Variants in COQ8B observed in about 807,000 individuals in gnomAD.
COQ8B encodes the protein coenzyme Q8B.
COQ8B carries 44 observed loss-of-function variants against 62.0 expected under a neutral mutation model. That is an observed-to-expected ratio of 0.71 (90% confidence interval 0.56 to 0.91). The LOEUF is 0.91. COQ8B is among the 40% of genes least tolerant of loss of function. COQ8B has a pLI of 0.00. For missense variants in COQ8B, 649 were observed against 731.6 expected (o/e 0.89, Z 1.30); for synonymous variants, 252 against 289.9 (o/e 0.87, Z 1.33).
In COQ8B at chr19:40,691,734, C is replaced by G. The variant is rs1222440319; in HGVS notation, c.*301G>C. On this transcript the variant is annotated 3_prime_UTR_variant, in exon 15 of 15. Coordinates refer to ENST00000324464, the MANE Select transcript of COQ8B (RefSeq NM_024876.4). ...GAGGTGAGGGCTCCCCCTGATGAGT[C>G]TGATCTGCATAACGACATGCAGCGG... 7.3e-6 allele frequency: 2 copies of G among 273,350 alleles called. No homozygotes were observed. The highest frequency in any genetic ancestry group is 1.4e-5 in the Non-Finnish European group (2 of 145,480). 16.9% of individuals were successfully genotyped at this position (273,350 alleles called of 1,614,324 possible).
At chr19:40,693,742 C>T (rs537349274) in intron 13 of COQ8B, among the ~76,000 whole-genome samples, 28 of 152,298 alleles carry the variant, frequency 1.8e-4, no homozygotes, top group African/African-American at 6.5e-4. Flanking sequence ...AAGGTGATGC[C>T]TGTGGCCTGC....
intron 13 of COQ8B, 63 bp from the exon 14 acceptor site, chr19:40,693,100 G>A: frequency 6.9e-7 from 1 of 1,443,658 alleles, no homozygotes; most frequent in African/African-American, 1.4e-5. Context: ...CTGGAGAAGA[G>A]GAGCTGGAAG....
chr19:40,694,306 C>G (rs1219214214), intron 13 of COQ8B, among the ~76,000 whole-genome samples: 1 of 152,210 alleles, frequency 6.6e-6, no homozygotes, highest in Non-Finnish European at 1.5e-5. Context: ...GCTCCCACCC[C>G]CAGGCTTAGA....
At position 40,704,837 on chromosome 19, in the gene COQ8B, T is replaced by C. The variant is rs2082087781; in HGVS notation, c.576+259A>G. The C allele has an allele frequency of 1.1e-5, 5 of 439,242 alleles. No individual in the cohort carries two copies. In the Admixed American group the frequency reaches 1.9e-4, roughly 17 times the overall value. The allele number at this position is 439,242 out of a possible 1,614,324, so 27.2% of individuals were successfully genotyped here. ...AGTGCTCAGTGTAAACTGATTTATG[T>C]GACCCTATGATGTGGGTGTGGCTGT... On this transcript the variant is annotated intron_variant, in intron 7 of 14. Transcript: ENST00000324464.
Position 40,714,536 on chromosome 19 carries a change from G to T in COQ8B, c.97C>A (p.Arg33Ser), listed in dbSNP as rs574818158. 1.9e-6 allele frequency: 3 copies of T among 1,613,620 alleles called. No homozygotes were observed. The highest frequency in any genetic ancestry group is 1.6e-4 in the Middle Eastern group (1 of 6,062). Residue 33 changes from arginine (R) to serine (S), a missense_variant, in exon 2 of 15, where the codon CGC (arginine) becomes AGC (serine). Physicochemically the swap from Arg to Ser is moderately radical, Grantham distance 110 (BLOSUM62 -1). Transcript: ENST00000324464. ...PCGALGPGPHRWGPCGGSWAQ... is the reference protein window; with the variant it reads ...PCGALGPGPHSWGPCGGSWAQ... ...CCTGCTCCCTAGCCTCTTACCCAGC[G>T]GTGGGGCCCAGGCCCCAGGGCCCCA...
intron 12 of COQ8B, 44 bp from the exon 13 acceptor site, chr19:40,696,098 C>T (rs757328390): frequency 5.6e-6 from 9 of 1,593,626 alleles, no homozygotes; most frequent in East Asian, 2.2e-5. Context: ...ATCCCATTCA[C>T]ACCCTCACTG....
At chr19:40,704,942 A>G in intron 7 of COQ8B, 154 bp downstream of exon 7, 1 of 693,568 alleles carries the variant, frequency 1.4e-6, no homozygotes, top group Non-Finnish European at 2.3e-6. Flanking sequence ...CACCACAGCA[A>G]TGCTAGGAGG....
chr19:40,714,548 GC>G lies in COQ8B; in HGVS notation c.84del (p.Pro29LeufsTer47). The G allele has an allele frequency of 6.2e-7, 1 of 1,613,442 alleles. No individual in the cohort carries two copies. Among genetic ancestry groups the G allele is most frequent in the Admixed American group, 1.7e-5 (1 of 59,822 alleles). ...CCTCTTACCCAGCGGTGGGGCCCAGGCCCCAGGGCCCCACAAGGCCAACCAA... is the reference window on the plus strand; with the variant it reads ...CCTCTTACCCAGCGGTGGGGCCCAGGCCCAGGGCCCCACAAGGCCAACCAA... Reference protein sequence around the residue: ...QTVGWPCGALGPGPHRWGPCG... With the variant: ...QTVGWPCGALXPGPHRWGPCG... On this transcript the variant is annotated frameshift_variant, in exon 2 of 15. Coordinates refer to ENST00000324464, the MANE Select transcript of COQ8B (RefSeq NM_024876.4). LOFTEE classifies it high-confidence loss of function.
At chr19:40,706,083 G>A (rs73931350) in intron 5 of COQ8B, among the ~76,000 whole-genome samples, 5,940 of 152,250 alleles carry the variant, frequency 0.039, 354 homozygotes, top group African/African-American at 0.13. Context: ...GTAATGCTGA[G>A]TGAAAGCAGC....
chr19:40,703,650 G>C, intron 8 of COQ8B, 28 bp from the exon 9 acceptor site: 1 of 1,613,644 alleles, frequency 6.2e-7, no homozygotes, highest in Non-Finnish European at 8.5e-7. Context: ...AGGGAGAGAA[G>C]GTGGGAGTCA....
rs1437437823 is a variant in COQ8B at position 40,692,225 on chromosome 19, G to T, written c.1445C>A (p.Pro482His). 8 of 1,607,540 alleles carry T rather than the reference G, an allele frequency of 5.0e-6. No homozygotes were observed. Among genetic ancestry groups the T allele is most frequent in the African/African-American group, 1.3e-5 (1 of 74,698 alleles). ...VLLRHRLCPP[P>H]EETYALHRKL... ...GCGGTGCAGGGCATAGGTCTCCTCGGGTGGGGGACACAGCCGGTGCCGCAG... is the reference window on the plus strand; with the variant it reads ...GCGGTGCAGGGCATAGGTCTCCTCGTGTGGGGGACACAGCCGGTGCCGCAG... The change falls in exon 15 of 15, where the codon CCC (proline) becomes CAC (histidine). Residue 482 changes from proline (P) to histidine (H), a missense_variant. Coordinates refer to ENST00000324464, the MANE Select transcript of COQ8B (RefSeq NM_024876.4).
rs759259550 is a variant in COQ8B, at chr19:40,702,598, A to T, written c.893+2T>A. 6.2e-7 allele frequency: 1 copy of T among 1,613,108 alleles called. No homozygotes were observed. The highest frequency in any genetic ancestry group is 2.2e-5 in the East Asian group (1 of 44,876). On this transcript the variant is annotated splice_donor_variant, in intron 10 of 14. Coordinates refer to ENST00000324464, the MANE Select transcript of COQ8B (RefSeq NM_024876.4). LOFTEE classifies it high-confidence loss of function. ...GAGGGAAGCTCAGGGCACTCAGCTC[A>T]CCTGAAATTCTGGGCACAAGCCGCC...
chr19:40,714,556 GC>G lies in COQ8B; in HGVS notation c.76del (p.Ala26ProfsTer50). 1.2e-6 allele frequency: 2 copies of G among 1,613,202 alleles called. No homozygotes were observed. Among genetic ancestry groups the G allele is most frequent in the Non-Finnish European group, 1.7e-6 (2 of 1,179,720 alleles). Reference sequence around the variant, plus strand: ...CCAGCGGTGGGGCCCAGGCCCCAGGGCCCCACAAGGCCAACCAACAGTCTGG... The same window carrying G: ...CCAGCGGTGGGGCCCAGGCCCCAGGGCCCACAAGGCCAACCAACAGTCTGG... ...LGQTVGWPCG[A>X]LGPGPHRWGP... is the part of the protein sequence containing the mutation. On this transcript the variant is annotated frameshift_variant, in exon 2 of 15. Coordinates refer to ENST00000324464, the MANE Select transcript of COQ8B (RefSeq NM_024876.4). LOFTEE classifies it high-confidence loss of function.
At chr19:40,695,893 A>T in intron 13 of COQ8B, 96 bp downstream of exon 13, 1 of 1,255,094 alleles carries the variant, frequency 8.0e-7, no homozygotes, top group South Asian at 1.2e-5. Flanking sequence ...TTATTTCTTA[A>T]TTCCAGAAAC....
intron 4 of COQ8B, 74 bp from the exon 5 acceptor site, chr19:40,710,210 G>T: frequency 7.3e-7 from 1 of 1,362,532 alleles, no homozygotes; most frequent in Non-Finnish European, 1.0e-6. Context: ...TCCTTTCTCA[G>T]TTTTTCTCCA....
intron 3 of COQ8B, 25 bp from the exon 4 acceptor site, chr19:40,714,158 G>C (rs2082165776): frequency 6.2e-7 from 1 of 1,613,944 alleles, no homozygotes. Context: ...CAAGGTCTGA[G>C]GGTGGGAAAG....
chr19:40,692,071 G>T lies in COQ8B; in HGVS notation c.1599C>A (p.Leu533=). Residue 533 remains leucine (L), a synonymous_variant, in exon 15 of 15, where the codon CTC becomes CTA. Transcript: ENST00000324464. ...RQPDAATAGS[L]PTKGDSWVDP... Reference sequence around the variant, plus strand: ...CCACCCAGGAGTCCCCTTTGGTGGGGAGGCTGCCGGCAGTGGCTGCGTCTG... The same window carrying T: ...CCACCCAGGAGTCCCCTTTGGTGGGTAGGCTGCCGGCAGTGGCTGCGTCTG... The T allele has an allele frequency of 6.2e-7, 1 of 1,608,114 alleles. No homozygotes were observed. The highest frequency in any genetic ancestry group is 8.5e-7 in the Non-Finnish European group (1 of 1,177,476).
intron 7 of COQ8B, 113 bp downstream of exon 7, chr19:40,704,983 T>C (rs1224496787): frequency 2.0e-6 from 2 of 996,236 alleles, no homozygotes; most frequent in Non-Finnish European, 2.9e-6. Flanking sequence ...ATTTTACAGA[T>C]GGGGAAAGTG....
rs2082012725 is a variant in COQ8B, at chr19:40,696,070, G to GGT, written c.1144-18_1144-17dup. ...GCAGGGTCACCTGGAAGCAAGGAAT[G>GGT]GTGAAAGGAATGCTGGGATCCCATT... On this transcript the variant is annotated splice_polypyrimidine_tract_variant and intron_variant, in intron 12 of 14. Transcript: ENST00000324464. 6.2e-7 allele frequency: 1 copy of GGT among 1,613,462 alleles called. No homozygotes were observed. The highest frequency in any genetic ancestry group is 8.5e-7 in the Non-Finnish European group (1 of 1,179,606).
Sources: allele counts gnomAD v4.1 joint callset (sites outside exome capture counted in the v4.1 genomes callset), GRCh38; gene constraint gnomAD v4.1.1; transcripts MANE v1.5; gene names NCBI Gene and HGNC (gene_info 2026-07-23, HGNC 2026-07-21).